Variants in PDE4B observed in about 807,000 individuals in gnomAD.
The protein encoded by PDE4B is phosphodiesterase 4B, also known as 3',5'-cyclic-AMP phosphodiesterase 4B.
In PDE4B, 20 loss-of-function variants were observed where a neutral mutation model predicts 82.2. That is an observed-to-expected ratio of 0.24 (90% confidence interval 0.17 to 0.35). PDE4B has a LOEUF of 0.35. Ranked by LOEUF, PDE4B falls within the 10% of genes least tolerant of loss-of-function variation. The pLI, the probability that PDE4B is intolerant of heterozygous loss-of-function variation, is 1.00. For synonymous variants in PDE4B, 320 were observed against 318.9 expected (o/e 1.00, Z -0.04); for missense variants, 655 against 907.2 (o/e 0.72, Z 3.57).
intron 7 of PDE4B, among the ~76,000 whole-genome samples, chr1:66,308,790 A>C (rs1051709238): frequency 1.3e-5 from 2 of 152,164 alleles, no homozygotes; most frequent in African/African-American, 2.4e-5. Context: ...GATTATGTAT[A>C]TTTTTATGCA....
At chr1:66,239,969 C>T (rs1383886249) in intron 3 of PDE4B, among the ~76,000 whole-genome samples, 2 of 152,202 alleles carry the variant, frequency 1.3e-5, no homozygotes, top group Non-Finnish European at 2.9e-5. Flanking sequence ...CATCTCTCAC[C>T]ACATCAATAC....
chr1:65,889,363 CTG>C (rs1362579472), intron 1 of PDE4B, among the ~76,000 whole-genome samples: 3 of 151,964 alleles, frequency 2.0e-5, no homozygotes, highest in Non-Finnish European at 1.5e-5. Context: ...TTATGTTTCT[CTG>C]TTCCTCAAGA....
chr1:65,975,419 G>T (rs1048364983), intron 3 of PDE4B, among the ~76,000 whole-genome samples: 2 of 152,326 alleles, frequency 1.3e-5, no homozygotes, highest in Admixed American at 6.5e-5. Flanking sequence ...GGGAAGTAGA[G>T]TGTAAAAGTT....
intron 3 of PDE4B, among the ~76,000 whole-genome samples, chr1:66,228,746 C>T (rs752227771): frequency 6.6e-6 from 1 of 151,888 alleles, no homozygotes; most frequent in Non-Finnish European, 1.5e-5. Flanking sequence ...ACCAAAGATT[C>T]GGAATCCTCT....
At chr1:66,061,898 A>C (rs1655601509) in intron 3 of PDE4B, among the ~76,000 whole-genome samples, 1 of 152,126 alleles carries the variant, frequency 6.6e-6, no homozygotes, top group South Asian at 2.1e-4. Flanking sequence ...CATTCTGCAC[A>C]TGTATCCTAG....
intron 1 of PDE4B, among the ~76,000 whole-genome samples, chr1:65,831,596 G>A (rs1480367221): frequency 6.6e-6 from 1 of 152,084 alleles, no homozygotes; most frequent in African/African-American, 2.4e-5. Flanking sequence ...GAAACATTTA[G>A]GATAAAATAG....
At chr1:65,995,820 C>A (rs1651510773) in intron 3 of PDE4B, among the ~76,000 whole-genome samples, 1 of 152,126 alleles carries the variant, frequency 6.6e-6, no homozygotes, top group African/African-American at 2.4e-5. Flanking sequence ...CAGTAGGCTT[C>A]TTTTAAGAAG....
rs145990885 is a variant in PDE4B at position 66,304,555 on chromosome 1, C to A, written c.635-27953C>A. 8.6e-5 allele frequency among the ~76,000 whole-genome samples: 13 copies of A among 152,010 alleles called. No homozygotes were observed. The East Asian group carries it at 2.5e-3, about 29-fold the overall frequency. On this transcript the variant is annotated intron_variant, in intron 7 of 16. Coordinates refer to ENST00000341517, the MANE Select transcript of PDE4B (RefSeq NM_002600.4). Reference sequence around the variant, plus strand: ...TGTGCTCAAGTCACATTTTTCCATGCGGATAATGCCATTCTCAATGCTTTC... The same window carrying A: ...TGTGCTCAAGTCACATTTTTCCATGAGGATAATGCCATTCTCAATGCTTTC...
chr1:66,200,586 G>C (rs1255111529), intron 3 of PDE4B, among the ~76,000 whole-genome samples: 1 of 152,036 alleles, frequency 6.6e-6, no homozygotes, highest in Non-Finnish European at 1.5e-5. Context: ...GGATTCCTAG[G>C]TATTTTATTC....
intron 1 of PDE4B, among the ~76,000 whole-genome samples, chr1:65,892,482 A>G (rs758163122): frequency 1.3e-5 from 2 of 152,116 alleles, no homozygotes; most frequent in Non-Finnish European, 2.9e-5. Flanking sequence ...CTTGAAAGTC[A>G]TGATGTCTTC....
chr1:66,340,116 T>C (rs925930284), intron 8 of PDE4B, among the ~76,000 whole-genome samples: 3 of 152,214 alleles, frequency 2.0e-5, no homozygotes, highest in Non-Finnish European at 2.9e-5. Context: ...CAGTTGTCAA[T>C]ATGCTTTCCT....
intron 3 of PDE4B, among the ~76,000 whole-genome samples, chr1:65,975,058 G>A (rs1171271390): frequency 6.6e-6 from 1 of 152,228 alleles, no homozygotes; most frequent in Non-Finnish European, 1.5e-5. Context: ...AAGACAGGAA[G>A]ATGTGGGAAA....
intron 3 of PDE4B, among the ~76,000 whole-genome samples, chr1:66,186,379 T>C (rs1410658784): frequency 2.0e-5 from 3 of 152,176 alleles, no homozygotes; most frequent in Non-Finnish European, 4.4e-5. Context: ...AAGAAAGTCA[T>C]TGGTAACTTG....
chr1:66,038,964 T>C (rs139943261), intron 3 of PDE4B, among the ~76,000 whole-genome samples: 1 of 152,210 alleles, frequency 6.6e-6, no homozygotes, highest in African/African-American at 2.4e-5. Context: ...TCCTATTCAG[T>C]AAAAATTTTC....
At chr1:66,301,227 T>C (rs769607192) in intron 7 of PDE4B, among the ~76,000 whole-genome samples, 10 of 152,134 alleles carry the variant, frequency 6.6e-5, no homozygotes, top group Non-Finnish European at 1.3e-4. Flanking sequence ...ATTTAAGGGC[T>C]CTCATTTCTC....
At chr1:66,326,413 C>A (rs989146576) in intron 7 of PDE4B, among the ~76,000 whole-genome samples, 14 of 152,366 alleles carry the variant, frequency 9.2e-5, no homozygotes, top group African/African-American at 3.4e-4. Context: ...AATATCTTGA[C>A]TTCTATTACT....
chr1:66,201,423 G>A (rs11208819), intron 3 of PDE4B, among the ~76,000 whole-genome samples: 79,024 of 151,710 alleles, frequency 0.52, 21,383 homozygotes, highest in Middle Eastern at 0.67. Context: ...AAGGAATGGT[G>A]CCAGTTCCTC....
At chr1:66,348,394 A>G (rs1661567986) in intron 8 of PDE4B, among the ~76,000 whole-genome samples, 1 of 152,280 alleles carries the variant, frequency 6.6e-6, no homozygotes, top group South Asian at 2.1e-4. Flanking sequence ...CAAATCTTCA[A>G]AGTTCCTTTT....
At chr1:65,802,777 T>A (rs1645708425) in intron 1 of PDE4B, among the ~76,000 whole-genome samples, 2 of 152,164 alleles carry the variant, frequency 1.3e-5, no homozygotes, top group South Asian at 2.1e-4. Context: ...CTAATTTTTT[T>A]AATCAGTTGT....
Sources: allele counts gnomAD v4.1 joint callset (sites outside exome capture counted in the v4.1 genomes callset), GRCh38; gene constraint gnomAD v4.1.1; transcripts MANE v1.5; gene names NCBI Gene and HGNC (gene_info 2026-07-23, HGNC 2026-07-21).